The following CDK6 variants were observed in gnomAD, a reference collection of about 807,000 sequenced individuals.
The protein encoded by CDK6 is cyclin dependent kinase 6.
In CDK6, 6 loss-of-function variants were observed where a neutral mutation model predicts 37.1. The observed-to-expected ratio is 0.16, with a 90% CI of 0.09 to 0.32. CDK6 has a LOEUF of 0.32. Among genes scored for constraint, CDK6 ranks in the 10% least tolerant of loss-of-function variants. The pLI is 1.00. For synonymous variants in CDK6, 160 were observed against 161.3 expected, an observed-to-expected ratio of 0.99 and a Z score of 0.06; for missense variants, 224 against 418.9, an observed-to-expected ratio of 0.53 and a Z score of 4.06.
chr7:92,692,350 C>T (rs1222853572), intron 4 of CDK6, among the ~76,000 whole-genome samples: 2 of 152,154 alleles, frequency 1.3e-5, no homozygotes, highest in Non-Finnish European at 2.9e-5. Context: ...GAAGGAATTT[C>T]AATAGTCCAT....
chr7:92,729,274 C>G (rs988381300), intron 3 of CDK6, among the ~76,000 whole-genome samples: 2 of 152,066 alleles, frequency 1.3e-5, no homozygotes, highest in African/African-American at 4.8e-5. Flanking sequence ...TATTCTGTAC[C>G]ATATATGACT....
At chr7:92,674,765 G>A (rs1797167049) in intron 4 of CDK6, among the ~76,000 whole-genome samples, 1 of 152,176 alleles carries the variant, frequency 6.6e-6, no homozygotes, top group Admixed American at 6.5e-5. Flanking sequence ...ATAAAGTCTA[G>A]CAACATAAAA....
intron 2 of CDK6, among the ~76,000 whole-genome samples, chr7:92,797,565 C>T (rs1281491984): frequency 6.6e-6 from 1 of 152,124 alleles, no homozygotes; most frequent in East Asian, 1.9e-4. Context: ...GGGCAGCCAG[C>T]CATTGTTCTG....
chr7:92,661,788 GA>G (rs992456792), intron 5 of CDK6, among the ~76,000 whole-genome samples: 5 of 152,246 alleles, frequency 3.3e-5, no homozygotes, highest in South Asian at 2.1e-4. Context: ...AACTTTTACT[GA>G]AAATAATCTG....
chr7:92,726,823 G>A (rs1334401063), intron 3 of CDK6, among the ~76,000 whole-genome samples: 6 of 152,236 alleles, frequency 3.9e-5, no homozygotes, highest in Middle Eastern at 3.4e-3. Context: ...AAATGAATAC[G>A]TAAAATAAGG....
intron 4 of CDK6, among the ~76,000 whole-genome samples, chr7:92,713,837 A>G (rs575974697): frequency 6.6e-6 from 1 of 152,312 alleles, no homozygotes; most frequent in South Asian, 2.1e-4. Flanking sequence ...GACTAACAAA[A>G]TAAGTTTAAT....
chr7:92,808,909 A>G (rs899372787), intron 2 of CDK6, among the ~76,000 whole-genome samples: 1 of 152,186 alleles, frequency 6.6e-6, no homozygotes, highest in Non-Finnish European at 1.5e-5. Flanking sequence ...GGTCAGGGCT[A>G]TGTTTTCTGT....
At chr7:92,813,403 A>G (rs1362865353) in intron 2 of CDK6, among the ~76,000 whole-genome samples, 2 of 152,198 alleles carry the variant, frequency 1.3e-5, no homozygotes, top group South Asian at 2.1e-4. Flanking sequence ...GGTCCCCCAC[A>G]TATCTAAGTG....
At chr7:92,763,441 TC>T (rs1274577956) in intron 3 of CDK6, among the ~76,000 whole-genome samples, 3 of 152,222 alleles carry the variant, frequency 2.0e-5, no homozygotes, top group African/African-American at 7.2e-5. Flanking sequence ...ATAGCAACTT[TC>T]AAAGGTCAAA....
intron 2 of CDK6, among the ~76,000 whole-genome samples, chr7:92,784,112 A>G (rs1584086844): frequency 6.6e-6 from 1 of 152,284 alleles, no homozygotes; most frequent in South Asian, 2.1e-4. Flanking sequence ...GCCACAAAGA[A>G]GGCATATCAT....
At chr7:92,740,534 G>T (rs1798896091) in intron 3 of CDK6, among the ~76,000 whole-genome samples, 1 of 152,106 alleles carries the variant, frequency 6.6e-6, no homozygotes, top group Non-Finnish European at 1.5e-5. Context: ...CTAGATTACA[G>T]CCTCCTGATG....
Position 92,615,297 on chromosome 7 carries a change from GA to G in CDK6, c.835-12del, listed in dbSNP as rs1156861594. 4.4e-6 allele frequency: 7 copies of G among 1,602,906 alleles called. No individual in the cohort carries two copies. Among genetic ancestry groups the G allele is most frequent in the Non-Finnish European group, 6.0e-6 (7 of 1,172,098 alleles). ...AAATGTCAAACACTTCTGTAATAAAGAAAAAAATAATTGGTTGATATACAAT... is the reference window on the plus strand; with the variant it reads ...AAATGTCAAACACTTCTGTAATAAAGAAAAAATAATTGGTTGATATACAAT... On this transcript the variant is annotated splice_polypyrimidine_tract_variant and intron_variant, in intron 7 of 7. Coordinates refer to ENST00000424848, the MANE Select transcript of CDK6 (RefSeq NM_001145306.2).
intron 5 of CDK6, among the ~76,000 whole-genome samples, chr7:92,624,083 T>C (rs149854685): frequency 6.6e-6 from 1 of 152,296 alleles, no homozygotes; most frequent in East Asian, 1.9e-4. Context: ...TGGCCATATA[T>C]GGAGAATCCT....
chr7:92,829,432 G>C (rs116430863), intron 2 of CDK6, among the ~76,000 whole-genome samples: 2,200 of 152,246 alleles, frequency 0.014, 37 homozygotes, highest in African/African-American at 0.049. Context: ...GCACTGGCTT[G>C]TATCTTTCTT....
At chr7:92,641,670 G>A (rs1168054142) in intron 5 of CDK6, among the ~76,000 whole-genome samples, 2 of 152,048 alleles carry the variant, frequency 1.3e-5, no homozygotes, top group Non-Finnish European at 2.9e-5. Context: ...ATTTTTATAA[G>A]ATTTTTAAAA....
chr7:92,783,711 T>A (rs1229885168), intron 2 of CDK6, among the ~76,000 whole-genome samples: 1 of 152,202 alleles, frequency 6.6e-6, no homozygotes, highest in Non-Finnish European at 1.5e-5. Context: ...ATGTGACTCT[T>A]GCACTATAGT....
intron 3 of CDK6, among the ~76,000 whole-genome samples, chr7:92,763,785 C>T (rs1023380093): frequency 2.6e-5 from 4 of 152,142 alleles, no homozygotes; most frequent in African/African-American, 9.7e-5. Flanking sequence ...TTTTCCATTT[C>T]CCACTTGTGT....
chr7:92,833,373 C>A lies in CDK6; in HGVS notation c.-50G>T. On this transcript the variant is annotated 5_prime_UTR_variant, in exon 2 of 8. Coordinates refer to ENST00000424848, the MANE Select transcript of CDK6 (RefSeq NM_001145306.2). This position sits in a 1 kb window ranked among gnomAD's most constrained non-coding sequence, Gnocchi z 6.1. ...GCGCCGCTGGGGCGGGCGGGGGGTGCGCTCAACTAGCTGGCGGCCGCCGCT... is the reference window on the plus strand; with the variant it reads ...GCGCCGCTGGGGCGGGCGGGGGGTGAGCTCAACTAGCTGGCGGCCGCCGCT... The A allele has an allele frequency of 7.4e-7, 1 of 1,353,554 alleles. No individual in the cohort carries two copies. Among genetic ancestry groups the A allele is most frequent in the Non-Finnish European group, 1.0e-6 (1 of 997,136 alleles). 83.8% of individuals were successfully genotyped at this position (1,353,554 alleles called of 1,614,324 possible).
chr7:92,659,353 A>T (rs1796783456), intron 5 of CDK6, among the ~76,000 whole-genome samples: 1 of 152,206 alleles, frequency 6.6e-6, no homozygotes, highest in African/African-American at 2.4e-5. Context: ...TATCTCATTC[A>T]TCCATATATT....
Sources: gnomAD v4.1 joint callset for allele counts (sites outside exome capture counted in the v4.1 genomes callset) on GRCh38, gnomAD v4.1.1 for gene constraint, Gnocchi (gnomAD v3.1) non-coding constraint, MANE v1.5 for transcripts, NCBI Gene and HGNC (gene_info 2026-07-23, HGNC 2026-07-21) for gene names.